LPAR1: variants seen among roughly 807,000 people sequenced by gnomAD.
LPAR1 encodes lysophosphatidic acid receptor 1.
A neutral mutation model predicts 23.8 loss-of-function variants in LPAR1; 5 were observed. That is an observed-to-expected ratio of 0.21 (90% CI 0.11 to 0.44). The LOEUF (loss-of-function observed/expected upper bound fraction) is 0.44. Among genes scored for constraint, LPAR1 ranks in the 20% least tolerant of loss-of-function variants. The pLI is 0.99. For synonymous variants in LPAR1, 160 were observed against 164.7 expected, an observed-to-expected ratio of 0.97 and a Z score of 0.22; for missense variants, 311 against 482.8, an observed-to-expected ratio of 0.64 and a Z score of 3.33.
At chr9:110,969,209 GC>G (rs2096326313) in intron 4 of LPAR1, among the ~76,000 whole-genome samples, 2 of 151,966 alleles carry the variant, frequency 1.3e-5, no homozygotes, top group South Asian at 4.2e-4. Flanking sequence ...TCCTCTTGGG[GC>G]AATATAACTA....
At chr9:111,020,296 G>A (rs936277783) in intron 2 of LPAR1, among the ~76,000 whole-genome samples, 1 of 152,188 alleles carries the variant, frequency 6.6e-6, no homozygotes, top group Non-Finnish European at 1.5e-5. Flanking sequence ...TAGAGAAATA[G>A]TATTCAACAA....
intron 2 of LPAR1, among the ~76,000 whole-genome samples, chr9:111,012,517 G>C (rs564755355): frequency 6.6e-6 from 1 of 151,850 alleles, no homozygotes; most frequent in East Asian, 1.9e-4. Flanking sequence ...TATCCTGGTA[G>C]TCCACAAAAG....
intron 4 of LPAR1, among the ~76,000 whole-genome samples, chr9:110,959,182 A>AAAAAAC (rs1270360743): frequency 5.3e-5 from 8 of 151,132 alleles, no homozygotes; most frequent in Admixed American, 3.3e-4. Flanking sequence ...AAAAAAAAAA[A>AAAAAAC]AAACCACTAA....
At chr9:110,938,449 C>T (rs1014334629) in intron 5 of LPAR1, among the ~76,000 whole-genome samples, 6 of 152,116 alleles carry the variant, frequency 3.9e-5, no homozygotes, top group East Asian at 1.9e-4. Flanking sequence ...AGCACCATGA[C>T]GGTTTACAAA....
At chr9:110,948,958 G>C (rs894790411) in intron 4 of LPAR1, among the ~76,000 whole-genome samples, 3 of 151,508 alleles carry the variant, frequency 2.0e-5, no homozygotes, top group Non-Finnish European at 4.4e-5. Flanking sequence ...GGAAGAACAA[G>C]GAAGTTTTGT....
rs190809171 is a variant in LPAR1, at chr9:110,986,388, G to A, written c.-181-12830C>T. Among the ~76,000 whole-genome samples the A allele has an allele frequency of 1.6e-4, 24 of 152,126 alleles. No homozygotes were observed. The East Asian group carries it at 4.6e-3, about 29-fold the overall frequency. ...TCTTGAAAAATATTTCATTCTAAGA[G>A]TAAGTGCATGTTTCTAACATGAGAA... On this transcript the variant is annotated intron_variant, in intron 2 of 5. Coordinates refer to ENST00000683809, the MANE Select transcript of LPAR1 (RefSeq NM_001351411.2).
chr9:110,938,809 GGCTA>G (rs2094899322), intron 5 of LPAR1, among the ~76,000 whole-genome samples: 1 of 152,136 alleles, frequency 6.6e-6, no homozygotes. Flanking sequence ...AGGAGGTCCA[GGCTA>G]CAATGAGCCA....
chr9:110,950,161 C>T (rs866350760), intron 4 of LPAR1, among the ~76,000 whole-genome samples: 2 of 151,982 alleles, frequency 1.3e-5, no homozygotes, highest in African/African-American at 2.4e-5. Context: ...TAAGCATTCA[C>T]TTTCAAACAG....
intron 5 of LPAR1, among the ~76,000 whole-genome samples, chr9:110,886,435 A>AC (rs1028229240): frequency 4.0e-5 from 6 of 151,268 alleles, no homozygotes; most frequent in African/African-American, 1.2e-4. Flanking sequence ...AAAAAAAAAA[A>AC]ACAATGCTAC....
chr9:111,022,811 G>T (rs1026788776), intron 2 of LPAR1, among the ~76,000 whole-genome samples: 10 of 152,058 alleles, frequency 6.6e-5, no homozygotes, highest in Non-Finnish European at 1.0e-4. Context: ...AGCACTTTGG[G>T]AGGCCAAGGC....
chr9:111,025,912 G>C (rs1253351985), intron 2 of LPAR1, among the ~76,000 whole-genome samples: 1 of 152,160 alleles, frequency 6.6e-6, no homozygotes, highest in Admixed American at 6.5e-5. Context: ...CTTTATATCT[G>C]TTTTGGTACC....
chr9:110,940,227 T>C (rs2095000950), intron 5 of LPAR1, among the ~76,000 whole-genome samples: 1 of 152,174 alleles, frequency 6.6e-6, no homozygotes, highest in Non-Finnish European at 1.5e-5. Context: ...TAGCTGAAAA[T>C]GATGTCCATG....
intron 5 of LPAR1, among the ~76,000 whole-genome samples, chr9:110,884,508 A>C (rs1344448604): frequency 6.6e-6 from 1 of 152,216 alleles, no homozygotes; most frequent in Non-Finnish European, 1.5e-5. Context: ...GCACATAGTA[A>C]GTGCTCTATA....
intron 5 of LPAR1, chr9:110,903,399 C>T (rs558205970): frequency 7.9e-5 from 12 of 151,948 alleles, no homozygotes; most frequent in African/African-American, 2.7e-4. Flanking sequence ...TTAGCATGGC[C>T]CCTGCACAAG....
chr9:110,991,012 T>C (rs1471107132), intron 2 of LPAR1, among the ~76,000 whole-genome samples: 1 of 152,114 alleles, frequency 6.6e-6, no homozygotes, highest in African/African-American at 2.4e-5. Context: ...CTATTAGATA[T>C]CCATAAGCAA....
intron 2 of LPAR1, among the ~76,000 whole-genome samples, chr9:110,977,850 A>AGGAG (rs2096589403): frequency 1.5e-4 from 5 of 32,784 alleles, no homozygotes; most frequent in Admixed American, 3.0e-4. Flanking sequence ...GAAGGAGGGA[A>AGGAG]GGAAGGAAGG....
intron 5 of LPAR1, among the ~76,000 whole-genome samples, chr9:110,927,764 T>G (rs1409822448): frequency 6.6e-6 from 1 of 152,038 alleles, no homozygotes; most frequent in African/African-American, 2.4e-5. Flanking sequence ...TTACTGCAAT[T>G]TGGTATGTTA....
intron 5 of LPAR1, among the ~76,000 whole-genome samples, chr9:110,903,841 T>C (rs546749824): frequency 8.6e-6 from 1 of 116,390 alleles, no homozygotes; most frequent in South Asian, 2.7e-4. Context: ...AAGAAATCCA[T>C]ACCAGGACAT....
rs1554710949 is a variant in LPAR1 at position 110,957,350 on chromosome 9, A to AAAAT, written c.45+14722_45+14723insATTT. On this transcript the variant is annotated intron_variant, in intron 4 of 5. Transcript: ENST00000683809. ...GTGATACTCTGTCTCAAAAAAAAAA[A>AAAAT]AATAATAATAATAATAATAATGCAC... Among the ~76,000 whole-genome samples, 604 of 147,838 alleles carry AAAAT rather than the reference A, an allele frequency of 4.1e-3. 8 individuals are homozygous for AAAAT. The highest frequency in any genetic ancestry group is 0.02 in the Admixed American group (300 of 14,654).
Sources: allele counts gnomAD v4.1 joint callset (sites outside exome capture counted in the v4.1 genomes callset), GRCh38; gene constraint gnomAD v4.1.1; transcripts MANE v1.5; gene names NCBI Gene and HGNC (gene_info 2026-07-23, HGNC 2026-07-21).